The following VWA5B1 variants were observed in gnomAD, a reference collection of about 807,000 sequenced individuals.
VWA5B1 encodes the protein von Willebrand factor A domain containing 5B1.
Under a neutral mutation model 118.2 loss-of-function variants are expected in VWA5B1, and 115 were observed. That is an observed-to-expected ratio of 0.97 (90% confidence interval 0.84 to 1.14). The LOEUF is 1.14. Ranked by LOEUF, VWA5B1 falls within the 50% of genes most tolerant of loss-of-function variation. The pLI is 0.00. For missense variants in VWA5B1, 1,596 were observed against 1,603.8 expected (o/e 1.00, Z 0.08); for synonymous variants, 682 against 658.4 (o/e 1.04, Z -0.55).
At chr1:20,342,387 CTCCTCG>C (rs1557440025) in intron 14 of VWA5B1, 39 bp from the exon 15 acceptor site, 1 of 1,536,458 alleles carries the variant, frequency 6.5e-7, no homozygotes. Flanking sequence ...CCTCCTCCTC[CTCCTCG>C]TCCTCCTCCT....
intron 11 of VWA5B1, 97 bp from the exon 12 acceptor site, chr1:20,332,668 TC>T: frequency 7.4e-7 from 1 of 1,350,570 alleles, no homozygotes; most frequent in South Asian, 1.4e-5. Flanking sequence ...TGTCCCCTCT[TC>T]CCTGCTCCCA....
intron 3 of VWA5B1, among the ~76,000 whole-genome samples, chr1:20,313,460 C>A (rs1430636374): frequency 6.6e-6 from 1 of 152,174 alleles, no homozygotes; most frequent in Non-Finnish European, 1.5e-5. Flanking sequence ...GCAGAGGACT[C>A]ACATCACAGT....
rs1266702988 is a variant in VWA5B1 at position 20,354,712 on chromosome 1, C to T, written c.*449C>T. On this transcript the variant is annotated 3_prime_UTR_variant, in exon 22 of 22. Transcript: ENST00000289815. ...AGGGCAGATGAGAGAACCCAGTGAC[C>T]TCAAGTAACCAGGCCTACAGGCTTG... 1 of 175,338 alleles carries T rather than the reference C, an allele frequency of 5.7e-6. No individual in the cohort carries two copies. Among genetic ancestry groups the T allele is most frequent in the Admixed American group, 5.6e-5 (1 of 17,888 alleles). The allele number at this position is 175,338 out of a possible 1,614,324, so 10.9% of individuals were successfully genotyped here.
Position 20,336,457 on chromosome 1 carries a change from T to C in VWA5B1, c.1913T>C (p.Leu638Pro). ...FILGQAKNAR[L>P]ASGDSTTKHD... ...CTAGGGCAGGCCAAAAATGCCCGGC[T>C]AGCCAGCGGAGACTCTACCACCAAG... is the stretch of plus-strand genomic sequence containing the variant. The change falls in exon 13 of 22, where the codon CTA (leucine) becomes CCA (proline). Residue 638 changes from leucine (L) to proline (P), a missense_variant. By Grantham distance (98) the Leu-to-Pro change is moderately conservative. Coordinates refer to ENST00000289815, the MANE Select transcript of VWA5B1 (RefSeq NM_001039500.3). The C allele has an allele frequency of 6.8e-7, 1 of 1,475,858 alleles. No individual in the cohort carries two copies. The highest frequency in any genetic ancestry group is 9.0e-7 in the Non-Finnish European group (1 of 1,105,684). The allele number at this position is 1,475,858 out of a possible 1,614,324, so 91.4% of individuals were successfully genotyped here.
chr1:20,310,472 A>T, intron 1 of VWA5B1, 104 bp from the exon 2 acceptor site: 1 of 1,154,074 alleles, frequency 8.7e-7, no homozygotes, highest in Non-Finnish European at 1.2e-6. Context: ...GGAAAATGAA[A>T]ACAATGATGC....
In VWA5B1 at chr1:20,323,413, C is replaced by T; in HGVS notation, c.1024C>T (p.Leu342Phe). The change falls in exon 8 of 22, where the codon CTC becomes TTC. Residue 342 changes from leucine to phenylalanine, a missense_variant. Leu to Phe is a conservative substitution (Grantham distance 22). Coordinates refer to ENST00000289815, the MANE Select transcript of VWA5B1 (RefSeq NM_001039500.3). ...CATTCCCCACCACTCCGTCATCATG[C>T]TCAACTTCTGTCCCGACCTCCAGTC... Reference protein sequence around the residue: ...KDIPHHSVIMLNFCPDLQSVQ... With the variant: ...KDIPHHSVIMFNFCPDLQSVQ... 6.5e-7 allele frequency: 1 copy of T among 1,532,370 alleles called. No individual in the cohort carries two copies. The highest frequency in any genetic ancestry group is 1.2e-5 in the South Asian group (1 of 80,552). 94.9% of individuals were successfully genotyped at this position (1,532,370 alleles called of 1,614,324 possible).
rs773963649 is a variant in VWA5B1, at chr1:20,354,004, G to A, written c.3389G>A (p.Arg1130Lys). 12 of 1,551,734 alleles carry A rather than the reference G, an allele frequency of 7.7e-6. No homozygotes were observed. Among genetic ancestry groups the A allele is most frequent in the South Asian group, 2.4e-5 (2 of 84,058 alleles). Residue 1130 changes from arginine to lysine, a missense_variant, in exon 22 of 22, where the codon AGG (arginine) becomes AAG (lysine). Transcript: ENST00000289815. ...LAKGKLGLEP[R>K]AVVEHTGKLW... ...AAGGGCAAGCTGGGCCTGGAGCCGA[G>A]GGCAGTGGTGGAGCACACTGGGAAG...
In VWA5B1 at chr1:20,353,829, G is replaced by A. The variant is rs761122674; in HGVS notation, c.3214G>A (p.Glu1072Lys). The change falls in exon 22 of 22, where the codon GAG becomes AAG. Residue 1072 changes from glutamate (E) to lysine (K), a missense_variant. Transcript: ENST00000289815. ...AFCEATHIPM[E>K]KLKWTSPFTC... ...CTGTGAGGCCACGCACATCCCCATG[G>A]AGAAGCTCAAGTGGACGTCCCCCTT... The A allele has an allele frequency of 2.0e-6, 3 of 1,519,654 alleles. No homozygotes were observed. Among genetic ancestry groups the A allele is most frequent in the African/African-American group, 2.8e-5 (2 of 72,310 alleles). The allele number at this position is 1,519,654 out of a possible 1,614,324, so 94.1% of individuals were successfully genotyped here.
intron 12 of VWA5B1, among the ~76,000 whole-genome samples, chr1:20,333,501 C>T (rs1486082845): frequency 6.6e-6 from 1 of 152,172 alleles, no homozygotes; most frequent in African/African-American, 2.4e-5. Context: ...ATGCAGAGCC[C>T]TAGCTTCCAC....
intron 1 of VWA5B1, among the ~76,000 whole-genome samples, chr1:20,299,284 C>A (rs12116793): frequency 0.076 from 11,517 of 152,210 alleles, 465 homozygotes; most frequent in African/African-American, 0.087. Flanking sequence ...CCAGCTGGAG[C>A]CCAAGAAGAG....
At chr1:20,320,465 A>G (rs971863221) in intron 7 of VWA5B1, among the ~76,000 whole-genome samples, 1 of 152,202 alleles carries the variant, frequency 6.6e-6, no homozygotes, top group Non-Finnish European at 1.5e-5. Flanking sequence ...AAGAAGCTGG[A>G]GCCCGGGGTT....
intron 1 of VWA5B1, among the ~76,000 whole-genome samples, chr1:20,295,077 C>T (rs1475687712): frequency 6.6e-6 from 1 of 152,050 alleles, no homozygotes; most frequent in East Asian, 1.9e-4. Flanking sequence ...GAGGAGGGAG[C>T]AATCACTCCT....
chr1:20,321,129 A>AAAAAC (rs1553198060), intron 7 of VWA5B1, among the ~76,000 whole-genome samples: 1 of 150,802 alleles, frequency 6.6e-6, no homozygotes, highest in African/African-American at 2.4e-5. Context: ...AAAAAAAAAA[A>AAAAAC]CACGAAAAGA....
rs747536368 is a variant in VWA5B1, at chr1:20,356,428, G to T, written c.*2165G>T. ...TGAACAAGTGGCGTGTGTGTTCTGG[G>T]CCTCTTTCTTCCTCTACATAACCAG... is the stretch of plus-strand genomic sequence containing the variant. On this transcript the variant is annotated 3_prime_UTR_variant, in exon 22 of 22. Coordinates refer to ENST00000289815, the MANE Select transcript of VWA5B1 (RefSeq NM_001039500.3). 6.6e-6 allele frequency among the ~76,000 whole-genome samples: 1 copy of T among 152,136 alleles called. No homozygotes were observed. Among genetic ancestry groups the T allele is most frequent in the Non-Finnish European group, 1.5e-5 (1 of 68,038 alleles).
chr1:20,313,249 G>A (rs1171325861), intron 3 of VWA5B1, among the ~76,000 whole-genome samples: 2 of 152,214 alleles, frequency 1.3e-5, no homozygotes, highest in South Asian at 2.1e-4. Context: ...AAGGAAGGGA[G>A]GCAACAAAAG....
chr1:20,344,896 C>T (rs944044161), intron 16 of VWA5B1, among the ~76,000 whole-genome samples: 2 of 152,186 alleles, frequency 1.3e-5, no homozygotes, highest in African/African-American at 2.4e-5. Flanking sequence ...CTGCAAGCCA[C>T]GGAGACTGCT....
At chr1:20,295,833 A>G (rs546258114) in intron 1 of VWA5B1, among the ~76,000 whole-genome samples, 23 of 152,092 alleles carry the variant, frequency 1.5e-4, no homozygotes, top group East Asian at 5.8e-4. Flanking sequence ...CTGCTTAATC[A>G]TTATCTGTGA....
chr1:20,345,050 T>C (rs533320307), intron 16 of VWA5B1, among the ~76,000 whole-genome samples: 1 of 152,224 alleles, frequency 6.6e-6, no homozygotes. Context: ...ATGGGTCAGA[T>C]AAGTGGTCCC....
In VWA5B1 at chr1:20,345,490, C is replaced by T; in HGVS notation, c.2661C>T (p.His887=). Residue 887 remains histidine, a synonymous_variant, in exon 17 of 22, where the codon CAC becomes CAT. Transcript: ENST00000289815. ...SNRRYQVSAL[H]TSKACNIISK... ...GCCGCTACCAAGTGAGCGCCTTGCACACCAGCAAGGCCTGCAACATCATTA... is the reference window on the plus strand; with the variant it reads ...GCCGCTACCAAGTGAGCGCCTTGCATACCAGCAAGGCCTGCAACATCATTA... 6.4e-7 allele frequency: 1 copy of T among 1,551,252 alleles called. No individual in the cohort carries two copies. The highest frequency in any genetic ancestry group is 8.7e-7 in the Non-Finnish European group (1 of 1,146,988).
Sources: gnomAD v4.1 joint callset for allele counts (sites outside exome capture counted in the v4.1 genomes callset) on GRCh38, gnomAD v4.1.1 for gene constraint, MANE v1.5 for transcripts, NCBI Gene and HGNC (gene_info 2026-07-23, HGNC 2026-07-21) for gene names.